The following KCNQ5 variants were observed in gnomAD, a reference collection of about 807,000 sequenced individuals.
KCNQ5 encodes the protein potassium voltage-gated channel subfamily Q member 5, also known as potassium voltage-gated channel subfamily KQT member 5.
A neutral mutation model predicts 98.2 loss-of-function variants in KCNQ5; 30 were observed. That is an observed-to-expected ratio of 0.31 (90% CI 0.23 to 0.41). KCNQ5 has a LOEUF of 0.41. Ranked by LOEUF, KCNQ5 falls within the 10% of genes least tolerant of loss-of-function variation. The pLI, the probability that KCNQ5 is intolerant of heterozygous loss-of-function variation, is 1.00. For missense variants in KCNQ5, 835 were observed against 1,182.5 expected (o/e 0.71, Z 4.31); for synonymous variants, 458 against 449.4 (o/e 1.02, Z -0.24).
intron 1 of KCNQ5, among the ~76,000 whole-genome samples, chr6:72,827,747 T>C (rs571122207): frequency 6.6e-6 from 1 of 152,244 alleles, no homozygotes; most frequent in East Asian, 1.9e-4. Context: ...ATCCCAGTTG[T>C]TTATTTTTGC....
intron 1 of KCNQ5, among the ~76,000 whole-genome samples, chr6:72,819,790 C>T (rs528805495): frequency 1.3e-4 from 20 of 152,294 alleles, no homozygotes; most frequent in African/African-American, 4.8e-4. Flanking sequence ...AGCTTTGTCC[C>T]AGTGCCTCTT....
At chr6:72,645,107 G>A (rs561172209) in intron 1 of KCNQ5, among the ~76,000 whole-genome samples, 5 of 150,956 alleles carry the variant, frequency 3.3e-5, no homozygotes, top group Middle Eastern at 3.4e-3. Context: ...AGTGGCTCAT[G>A]CCTGTAATCT....
At chr6:72,779,035 G>A (rs1224138592) in intron 1 of KCNQ5, among the ~76,000 whole-genome samples, 3 of 152,230 alleles carry the variant, frequency 2.0e-5, no homozygotes, top group East Asian at 3.8e-4. Context: ...GAGTGAAGAA[G>A]TTGAGACTGC....
At chr6:72,831,054 G>A (rs547764909) in intron 1 of KCNQ5, among the ~76,000 whole-genome samples, 13 of 152,154 alleles carry the variant, frequency 8.5e-5, no homozygotes, top group Non-Finnish European at 1.8e-4. Context: ...AGTTAGAATG[G>A]CGATCATTAA....
rs777394083 is a variant in KCNQ5 at position 73,042,079 on chromosome 6, C to T, written c.616+17C>T. ...GTGTTATAGGTGAATATCAGAGTCT[C>T]AGATACCTGGACTATGACACCAACA... On this transcript the variant is annotated intron_variant, in intron 3 of 13. Transcript: ENST00000370398. The T allele has an allele frequency of 1.5e-5, 25 of 1,613,200 alleles. No homozygotes were observed. The highest frequency in any genetic ancestry group is 2.0e-5 in the Non-Finnish European group (23 of 1,179,310).
intron 2 of KCNQ5, among the ~76,000 whole-genome samples, chr6:73,039,321 G>A (rs4708011): frequency 0.94 from 143,158 of 152,104 alleles, 67,669 homozygotes; most frequent in East Asian, 0.99. Flanking sequence ...AGTTTCATTA[G>A]TTTTTGCTCT....
At chr6:72,745,220 T>C (rs899797256) in intron 1 of KCNQ5, among the ~76,000 whole-genome samples, 2 of 152,242 alleles carry the variant, frequency 1.3e-5, no homozygotes, top group Admixed American at 1.3e-4. Context: ...CTTTTCCATG[T>C]ATGTAATTGC....
intron 3 of KCNQ5, among the ~76,000 whole-genome samples, chr6:73,076,098 T>A (rs1773527761): frequency 6.6e-6 from 1 of 152,098 alleles, no homozygotes; most frequent in East Asian, 1.9e-4. Flanking sequence ...TGCCAACAAC[T>A]GACCCCCCCT....
At chr6:72,987,504 C>T (rs1768842943) in intron 1 of KCNQ5, 1 of 661,844 alleles carries the variant, frequency 1.5e-6, no homozygotes, top group Non-Finnish European at 2.9e-6. Context: ...CTTCAAAAAC[C>T]TGTCCCCTTC....
intron 5 of KCNQ5, among the ~76,000 whole-genome samples, chr6:73,095,559 G>C (rs1262361658): frequency 6.6e-6 from 1 of 152,164 alleles, no homozygotes; most frequent in Non-Finnish European, 1.5e-5. Flanking sequence ...GGCTCTGTCA[G>C]AGGGAAGATC....
At chr6:73,096,336 CAA>C (rs151045845) in intron 5 of KCNQ5, among the ~76,000 whole-genome samples, 23 of 115,256 alleles carry the variant, frequency 2.0e-4, no homozygotes, top group Admixed American at 3.6e-4. Flanking sequence ...GGTCCTTAGG[CAA>C]AAAAAAAAAA....
At position 72,735,536 on chromosome 6, in the gene KCNQ5, A is replaced by G. The variant is rs1770782554; in HGVS notation, c.398+112949A>G. Among the ~76,000 whole-genome samples, 3 of 152,260 alleles carry G rather than the reference A, an allele frequency of 2.0e-5. No individual in the cohort carries two copies. In the South Asian group the frequency reaches 6.2e-4, roughly 32 times the overall value. On this transcript the variant is annotated intron_variant, in intron 1 of 13. Coordinates refer to ENST00000370398, the MANE Select transcript of KCNQ5 (RefSeq NM_019842.4). Reference sequence around the variant, plus strand: ...GCACTAAATATAGTGTCTTTAAACTATCTTCATAAAAAATGACTATGTATC... The same window carrying G: ...GCACTAAATATAGTGTCTTTAAACTGTCTTCATAAAAAATGACTATGTATC...
At chr6:72,900,469 A>G (rs1384412457) in intron 1 of KCNQ5, among the ~76,000 whole-genome samples, 1 of 141,166 alleles carries the variant, frequency 7.1e-6, no homozygotes, top group East Asian at 2.0e-4. Flanking sequence ...TTTATTTTAT[A>G]TATATTCCAT....
intron 1 of KCNQ5, among the ~76,000 whole-genome samples, chr6:72,639,493 A>G (rs2098926030): frequency 6.6e-6 from 1 of 152,200 alleles, no homozygotes; most frequent in Non-Finnish European, 1.5e-5. Flanking sequence ...GTGTGCAGAC[A>G]TAGCAATCAG....
At chr6:73,160,087 C>A (rs1777553833) in intron 10 of KCNQ5, among the ~76,000 whole-genome samples, 1 of 152,124 alleles carries the variant, frequency 6.6e-6, no homozygotes, top group Non-Finnish European at 1.5e-5. Flanking sequence ...GATCTCGGCT[C>A]ACTGCAAGCT....
intron 1 of KCNQ5, among the ~76,000 whole-genome samples, chr6:72,708,902 T>C (rs1200513297): frequency 6.6e-6 from 1 of 152,196 alleles, no homozygotes; most frequent in African/African-American, 2.4e-5. Context: ...TTGGCTCAAG[T>C]ACTTTTCAGG....
At chr6:72,967,990 T>C (rs1767699997) in intron 1 of KCNQ5, among the ~76,000 whole-genome samples, 1 of 152,220 alleles carries the variant, frequency 6.6e-6, no homozygotes, top group South Asian at 2.1e-4. Flanking sequence ...TGACCCTCAC[T>C]GTCTCTTCCT....
intron 1 of KCNQ5, among the ~76,000 whole-genome samples, chr6:72,723,443 AAT>A (rs2154475448): frequency 6.6e-6 from 1 of 152,312 alleles, no homozygotes; most frequent in Non-Finnish European, 1.5e-5. Flanking sequence ...ATATGGCAAT[AAT>A]ATGAGAAACA....
chr6:72,934,463 T>C (rs1381495783), intron 1 of KCNQ5, among the ~76,000 whole-genome samples: 3 of 152,180 alleles, frequency 2.0e-5, no homozygotes, highest in Non-Finnish European at 4.4e-5. Flanking sequence ...TTTATAAGTG[T>C]AGCTCAATAA....
Sources: gnomAD v4.1 joint callset for allele counts (sites outside exome capture counted in the v4.1 genomes callset) on GRCh38, gnomAD v4.1.1 for gene constraint, MANE v1.5 for transcripts, NCBI Gene and HGNC (gene_info 2026-07-23, HGNC 2026-07-21) for gene names.